The following PKHD1 variants were observed in gnomAD, a reference collection of about 807,000 sequenced individuals.
The protein encoded by PKHD1 is PKHD1 ciliary IPT domain containing fibrocystin/polyductin, also known as fibrocystin.
Under a neutral mutation model 412.0 loss-of-function variants are expected in PKHD1, and 291 were observed. The observed-to-expected ratio is 0.71, with a 90% CI of 0.64 to 0.78. The LOEUF (loss-of-function observed/expected upper bound fraction) is 0.78, where lower values mean the gene tolerates loss of function less well. Among genes scored for constraint, PKHD1 ranks in the 30% least tolerant of loss-of-function variants. The probability of loss-of-function intolerance (pLI) is 0.00; values close to 1 mark genes in which losing one functional copy is unlikely to be tolerated. For synonymous variants in PKHD1, 1,777 were observed against 1,821.5 expected (o/e 0.98, Z 0.62); for missense variants, 4,825 against 4,950.7 (o/e 0.97, Z 0.76).
chr6:51,975,011 C>A (rs1275813442), intron 35 of PKHD1, among the ~76,000 whole-genome samples: 1 of 151,788 alleles, frequency 6.6e-6, no homozygotes, highest in Non-Finnish European at 1.5e-5. Context: ...GATTTCTAGC[C>A]TCCAGAATAG....
chr6:52,021,550 C>A (rs1276576666), intron 33 of PKHD1, among the ~76,000 whole-genome samples: 1 of 152,128 alleles, frequency 6.6e-6, no homozygotes, highest in Non-Finnish European at 1.5e-5. Context: ...TTTGCACATA[C>A]CCTCTGCAAC....
chr6:51,893,270 T>C (rs1779382319), intron 43 of PKHD1, among the ~76,000 whole-genome samples: 1 of 152,228 alleles, frequency 6.6e-6, no homozygotes, highest in Non-Finnish European at 1.5e-5. Context: ...ACTGCATCCT[T>C]ATTCATCACC....
intron 36 of PKHD1, among the ~76,000 whole-genome samples, chr6:51,959,399 T>C (rs9474121): frequency 6.6e-6 from 1 of 152,068 alleles, no homozygotes; most frequent in Non-Finnish European, 1.5e-5. Context: ...CCTAGAGCTA[T>C]ATAGCCGGTT....
At chr6:51,670,244 A>T (rs1436637019) in intron 60 of PKHD1, among the ~76,000 whole-genome samples, 1 of 151,944 alleles carries the variant, frequency 6.6e-6, no homozygotes, top group Non-Finnish European at 1.5e-5. Flanking sequence ...TATTGGGTGC[A>T]TATATATTTA....
chr6:51,653,782 C>A (rs1186075749), intron 61 of PKHD1, among the ~76,000 whole-genome samples: 1 of 151,872 alleles, frequency 6.6e-6, no homozygotes, highest in Non-Finnish European at 1.5e-5. Context: ...GGCACAAGGA[C>A]AATGAAAGAT....
Position 51,659,100 on chromosome 6 carries a change from C to T in PKHD1, c.11026G>A (p.Gly3676Arg), listed in dbSNP as rs1400212034. 6.2e-7 allele frequency: 1 copy of T among 1,613,804 alleles called. No homozygotes were observed. The change falls in exon 61 of 67, where the codon GGA (glycine) becomes AGA (arginine). Residue 3676 changes from glycine to arginine, a missense_variant. Gly to Arg is a moderately radical substitution (Grantham distance 125, BLOSUM62 -2). Transcript: ENST00000371117. Reference protein sequence around the residue: ...IGDSPTVRSTGMISSLSSNKL... With the variant: ...IGDSPTVRSTRMISSLSSNKL... ...TTACTTGATAAGGATGAAATCATTC[C>T]AGTGCTCCTTACTGTTGGCGAATCA...
chr6:51,713,698 A>G (rs1011160743), intron 60 of PKHD1, among the ~76,000 whole-genome samples: 16 of 152,288 alleles, frequency 1.1e-4, no homozygotes, highest in African/African-American at 3.6e-4. Flanking sequence ...GGCATGGACA[A>G]TACCTGTTCC....
intron 52 of PKHD1, among the ~76,000 whole-genome samples, chr6:51,805,742 T>C (rs941628637): frequency 2.0e-5 from 3 of 152,090 alleles, no homozygotes; most frequent in African/African-American, 7.2e-5. Context: ...AGCCAACTCA[T>C]ATTTTTCAGA....
Position 51,648,128 on chromosome 6 carries a change from G to A in PKHD1, c.11311-10C>T, listed in dbSNP as rs2150363334. ...ACTCTACTCTTCGATTCTAGAAATGGGAATAGGAGGAGGGAGGAAGAAAAA... is the reference window on the plus strand; with the variant it reads ...ACTCTACTCTTCGATTCTAGAAATGAGAATAGGAGGAGGGAGGAAGAAAAA... On this transcript the variant is annotated splice_polypyrimidine_tract_variant and intron_variant, in intron 62 of 66. Transcript: ENST00000371117. 6.8e-7 allele frequency: 1 copy of A among 1,478,312 alleles called. No individual in the cohort carries two copies. The highest frequency in any genetic ancestry group is 9.5e-7 in the Non-Finnish European group (1 of 1,055,994). The allele number at this position is 1,478,312 out of a possible 1,614,324, so 91.6% of individuals were successfully genotyped here. A position where few individuals can be genotyped will look rare whatever the true frequency, so the allele number is the denominator to read the frequency against.
Position 51,825,290 on chromosome 6 carries a change from C to T in PKHD1, c.8302+5571G>A, listed in dbSNP as rs73440186. ...TCCTAAATCTAGGCTGACCTCAGGACCTTGCTTGACCAAGAAGTTGATGGC... is the reference window on the plus strand; with the variant it reads ...TCCTAAATCTAGGCTGACCTCAGGATCTTGCTTGACCAAGAAGTTGATGGC... On this transcript the variant is annotated intron_variant, in intron 52 of 66. Coordinates refer to ENST00000371117, the MANE Select transcript of PKHD1 (RefSeq NM_138694.4). Among the ~76,000 whole-genome samples, 1,047 of 152,278 alleles carry T rather than the reference C, an allele frequency of 6.9e-3. 12 individuals carry two copies. The highest frequency in any genetic ancestry group is 0.023 in the African/African-American group (953 of 41,562).
At chr6:52,047,992 G>A (rs1806130126) in intron 23 of PKHD1, among the ~76,000 whole-genome samples, 1 of 152,198 alleles carries the variant, frequency 6.6e-6, no homozygotes, top group African/African-American at 2.4e-5. Flanking sequence ...ATAAGAGAGA[G>A]GCAGAGAAAA....
At chr6:52,007,861 C>T (rs763535672) in intron 35 of PKHD1, among the ~76,000 whole-genome samples, 2 of 152,004 alleles carry the variant, frequency 1.3e-5, no homozygotes, top group East Asian at 1.9e-4. Context: ...TTGATCCAGT[C>T]GATGCGACAG....
chr6:51,970,969 CTTCTA>C (rs1182016757), intron 35 of PKHD1, among the ~76,000 whole-genome samples: 1 of 152,078 alleles, frequency 6.6e-6, no homozygotes, highest in Non-Finnish European at 1.5e-5. Context: ...TAGGATGGTT[CTTCTA>C]ACTCTGCAAA....
intron 52 of PKHD1, among the ~76,000 whole-genome samples, chr6:51,828,944 A>T (rs2151498774): frequency 6.6e-6 from 1 of 152,286 alleles, no homozygotes; most frequent in East Asian, 1.9e-4. Context: ...GAGATAGAAG[A>T]GGGGTTATTA....
chr6:51,917,196 G>T (rs1034174853), intron 37 of PKHD1, among the ~76,000 whole-genome samples: 7 of 55,058 alleles, frequency 1.3e-4, no homozygotes, highest in African/African-American at 3.3e-4. Context: ...AGGTGGGGGG[G>T]AGAGAGAGAG....
At chr6:51,704,845 C>T (rs1334738412) in intron 60 of PKHD1, among the ~76,000 whole-genome samples, 3 of 151,778 alleles carry the variant, frequency 2.0e-5, no homozygotes, top group Admixed American at 2.0e-4. Flanking sequence ...AGTTGAAGGC[C>T]TGGGCTTTGA....
intron 63 of PKHD1, 129 bp downstream of exon 63, chr6:51,647,902 G>A (rs1379048024): frequency 5.7e-6 from 4 of 701,102 alleles, no homozygotes; most frequent in Admixed American, 2.0e-5. Flanking sequence ...AGGGATGAAG[G>A]AGTTTCTTCC....
At chr6:51,986,449 G>T (rs1168134749) in intron 35 of PKHD1, among the ~76,000 whole-genome samples, 2 of 152,212 alleles carry the variant, frequency 1.3e-5, no homozygotes, top group Non-Finnish European at 2.9e-5. Flanking sequence ...GCATCCAGAT[G>T]TGAGACTTGC....
rs746013593 is a variant in PKHD1, at chr6:51,904,000, T to C, written c.6851A>G (p.His2284Arg). ...TACATATTTACCATCTTTCCTTCCA[T>C]GAATTGCCTCCCAGGAGATATATCT... ...EMRYISWEAI[H>R]GRKDDWSGHG... Residue 2284 changes from histidine to arginine, a missense_variant, in exon 42 of 67, where the codon CAT becomes CGT. Coordinates refer to ENST00000371117, the MANE Select transcript of PKHD1 (RefSeq NM_138694.4). 1 of 1,586,286 alleles carries C rather than the reference T, an allele frequency of 6.3e-7. No homozygotes were observed. The highest frequency in any genetic ancestry group is 8.7e-7 in the Non-Finnish European group (1 of 1,154,856).
Sources: allele counts gnomAD v4.1 joint callset (sites outside exome capture counted in the v4.1 genomes callset), GRCh38; gene constraint gnomAD v4.1.1; transcripts MANE v1.5; gene names NCBI Gene and HGNC (gene_info 2026-07-23, HGNC 2026-07-21).